RPS6KC1: variants seen among roughly 807,000 people sequenced by gnomAD.
RPS6KC1 encodes the protein inactive ribosomal protein S6 kinase delta-1.
RPS6KC1 carries 54 observed loss-of-function variants against 103.8 expected under a neutral mutation model. The ratio of observed to expected loss-of-function variants is 0.52; its 90% CI spans 0.42 to 0.65. The LOEUF is 0.65. Among genes scored for constraint, RPS6KC1 ranks in the 30% least tolerant of loss-of-function variants. The pLI, the probability that RPS6KC1 is intolerant of heterozygous loss-of-function variation, is 0.00. For missense variants in RPS6KC1, 1,151 were observed against 1,253.8 expected (o/e 0.92, Z 1.24); for synonymous variants, 439 against 438.7 (o/e 1.00, Z -0.01).
chr1:213,733,344 A>G, the RPS6KC1 span, among the ~76,000 whole-genome samples: 26 of 151,060 alleles, frequency 1.7e-4, no homozygotes, highest in East Asian at 4.3e-3. Flanking sequence ...GGCTCAAGTT[A>G]TTCTCCCACC....
the RPS6KC1 span, among the ~76,000 whole-genome samples, chr1:213,834,996 C>G: frequency 6.6e-6 from 1 of 152,082 alleles, no homozygotes; most frequent in South Asian, 2.1e-4. Flanking sequence ...TGAAAAAACA[C>G]CAGACACTAT....
intron 10 of RPS6KC1, among the ~76,000 whole-genome samples, chr1:213,234,753 A>T (rs1299225478): frequency 6.6e-6 from 1 of 152,110 alleles, no homozygotes. Flanking sequence ...ACAGAATCTG[A>T]TTTACATTTT....
At chr1:213,795,366 A>C in the RPS6KC1 span, among the ~76,000 whole-genome samples, 1 of 152,088 alleles carries the variant, frequency 6.6e-6, no homozygotes, top group African/African-American at 2.4e-5. Context: ...CTGTGTGCAA[A>C]ATTTTGTATA....
At chr1:213,391,801 T>C in the RPS6KC1 span, among the ~76,000 whole-genome samples, 11 of 152,202 alleles carry the variant, frequency 7.2e-5, no homozygotes, top group African/African-American at 2.7e-4. Context: ...AAGAATTATT[T>C]TTATTCTATA....
At chr1:213,375,298 CACAT>C in the RPS6KC1 span, among the ~76,000 whole-genome samples, 1 of 151,816 alleles carries the variant, frequency 6.6e-6, no homozygotes. Context: ...CATACATACA[CACAT>C]ACACACATAG....
the RPS6KC1 span, among the ~76,000 whole-genome samples, chr1:213,457,568 T>C: frequency 1.3e-5 from 2 of 152,206 alleles, no homozygotes; most frequent in African/African-American, 4.8e-5. Flanking sequence ...CAACTGACCA[T>C]CTAGTTCAAC....
At chr1:213,799,978 C>T in the RPS6KC1 span, among the ~76,000 whole-genome samples, 1 of 152,190 alleles carries the variant, frequency 6.6e-6, no homozygotes, top group Admixed American at 6.5e-5. Flanking sequence ...TACCTTGTCA[C>T]TGTGTCCTCA....
intron 7 of RPS6KC1, among the ~76,000 whole-genome samples, chr1:213,174,530 C>T (rs2148272084): frequency 6.6e-6 from 1 of 152,060 alleles, no homozygotes; most frequent in African/African-American, 2.4e-5. Flanking sequence ...ATTAGCTGGG[C>T]ATGGTGGTAG....
At position 213,150,521 on chromosome 1, in the gene RPS6KC1, G is replaced by A. The variant is rs375264369; in HGVS notation, c.836-17337G>A. On this transcript the variant is annotated intron_variant, in intron 6 of 14. Transcript: ENST00000366960. Reference sequence around the variant, plus strand: ...TTAGGGAGTGGTGATGACTCTTAACGAGCACGCTGCCTTCAAGCATCTGTT... The same window carrying A: ...TTAGGGAGTGGTGATGACTCTTAACAAGCACGCTGCCTTCAAGCATCTGTT... Among the ~76,000 whole-genome samples the A allele has an allele frequency of 7.0e-4, 105 of 150,310 alleles. 1 individual carries two copies. The East Asian group carries it at 0.015, about 21-fold the overall frequency.
the RPS6KC1 span, among the ~76,000 whole-genome samples, chr1:213,580,191 C>G: frequency 7.9e-5 from 12 of 151,992 alleles, no homozygotes; most frequent in African/African-American, 2.4e-4. Context: ...TCAAAATATC[C>G]ATTTTAACAG....
the RPS6KC1 span, among the ~76,000 whole-genome samples, chr1:213,768,883 A>G: frequency 3.9e-5 from 6 of 152,312 alleles, no homozygotes; most frequent in East Asian, 1.2e-3. Flanking sequence ...CATATCTTTA[A>G]TTGTCCAAAG....
the RPS6KC1 span, among the ~76,000 whole-genome samples, chr1:213,613,009 A>T: frequency 6.2e-4 from 94 of 152,268 alleles, no homozygotes; most frequent in African/African-American, 2.1e-3. Context: ...CATCGCTTTT[A>T]TGTCTGCGGG....
At chr1:213,289,804 G>A in the RPS6KC1 span, among the ~76,000 whole-genome samples, 2 of 152,048 alleles carry the variant, frequency 1.3e-5, no homozygotes, top group Admixed American at 1.3e-4. Flanking sequence ...CTTTGGGAGG[G>A]CGAGGCGGGT....
chr1:213,530,443 T>C, the RPS6KC1 span, among the ~76,000 whole-genome samples: 1 of 152,232 alleles, frequency 6.6e-6, no homozygotes, highest in African/African-American at 2.4e-5. Flanking sequence ...AGCTTCCAGG[T>C]CTGTCCCCAA....
chr1:213,504,524 C>A, the RPS6KC1 span, among the ~76,000 whole-genome samples: 6 of 152,140 alleles, frequency 3.9e-5, no homozygotes, highest in Admixed American at 3.9e-4. Flanking sequence ...CAGGCCTTTC[C>A]CTTGTGTTAT....
At chr1:213,312,327 T>C in the RPS6KC1 span, among the ~76,000 whole-genome samples, 5 of 152,074 alleles carry the variant, frequency 3.3e-5, no homozygotes, top group African/African-American at 1.2e-4. Flanking sequence ...GAGCAGAAAA[T>C]GACTTGAGGT....
chr1:213,779,803 T>C, the RPS6KC1 span, among the ~76,000 whole-genome samples: 1 of 152,200 alleles, frequency 6.6e-6, no homozygotes, highest in Non-Finnish European at 1.5e-5. Context: ...AGAAAAGTTC[T>C]GCTTCTGATG....
the RPS6KC1 span, among the ~76,000 whole-genome samples, chr1:213,305,371 C>T: frequency 6.6e-6 from 1 of 152,244 alleles, no homozygotes; most frequent in African/African-American, 2.4e-5. Flanking sequence ...GCATGAGCCA[C>T]TGTGCCTGGC....
chr1:213,135,586 C>A (rs1216650710), intron 6 of RPS6KC1, among the ~76,000 whole-genome samples: 1 of 151,936 alleles, frequency 6.6e-6, no homozygotes, highest in Non-Finnish European at 1.5e-5. Context: ...TAATAAATTG[C>A]CTTAGTTGAG....
Sources: gnomAD v4.1 joint callset for allele counts (sites outside exome capture counted in the v4.1 genomes callset) on GRCh38, gnomAD v4.1.1 for gene constraint, MANE v1.5 for transcripts, NCBI Gene and HGNC (gene_info 2026-07-23, HGNC 2026-07-21) for gene names.